Variants in MYH9 observed in about 807,000 individuals in gnomAD.
MYH9 encodes myosin heavy chain 9.
In MYH9, 29 loss-of-function variants were observed where a neutral mutation model predicts 241.9. The observed-to-expected ratio is 0.12, with a 90% CI of 0.09 to 0.16. The LOEUF (loss-of-function observed/expected upper bound fraction) is 0.16, where lower values mean the gene tolerates loss of function less well. Ranked by LOEUF, MYH9 falls within the 10% of genes least tolerant of loss-of-function variation. The pLI is 1.00. For missense variants in MYH9, 1,803 were observed against 2,595.5 expected, an observed-to-expected ratio of 0.69 and a Z score of 6.63; for synonymous variants, 1,047 against 1,062.6, an observed-to-expected ratio of 0.99 and a Z score of 0.29.
rs2017234094 is a variant in MYH9, at chr22:36,320,560, A to G, written c.869-197T>C. On this transcript the variant is annotated intron_variant, in intron 8 of 40. Coordinates refer to ENST00000216181, the MANE Select transcript of MYH9 (RefSeq NM_002473.6). This position sits in a 1 kb window ranked among gnomAD's most constrained non-coding sequence, Gnocchi z 4.8. ...ACACTCCCGTCTCCTGGCCCAGGAG[A>G]GCGCCAGGTCCTGTGATTTGCAGCT... Among the ~76,000 whole-genome samples, 1 of 152,062 alleles carries G rather than the reference A, an allele frequency of 6.6e-6. No homozygotes were observed. Among genetic ancestry groups the G allele is most frequent in the African/African-American group, 2.4e-5 (1 of 41,410 alleles).
chr22:36,346,041 G>T (rs1413469616), intron 2 of MYH9, among the ~76,000 whole-genome samples: 1 of 152,054 alleles, frequency 6.6e-6, no homozygotes, highest in Non-Finnish European at 1.5e-5. Flanking sequence ...CAGCTACTCA[G>T]GAGGCTGAGG....
chr22:36,310,789 A>G (rs1046635009), intron 14 of MYH9, among the ~76,000 whole-genome samples: 1 of 151,978 alleles, frequency 6.6e-6, no homozygotes, highest in Non-Finnish European at 1.5e-5. Flanking sequence ...ATTATTCAGC[A>G]TTACAAATAA....
intron 40 of MYH9, 35 bp downstream of exon 40, chr22:36,284,058 C>G: frequency 2.5e-6 from 4 of 1,611,480 alleles, no homozygotes; most frequent in Non-Finnish European, 3.4e-6. Context: ...GAGAGAAGTG[C>G]CGAGGCAAAG....
intron 35 of MYH9, 71 bp from the exon 36 acceptor site, chr22:36,286,024 G>A (rs2016574656): frequency 1.9e-6 from 3 of 1,556,690 alleles, no homozygotes. Flanking sequence ...CCAGCCCCAG[G>A]CACCCTCCCC....
Position 36,300,383 on chromosome 22 carries a change from C to G in MYH9, c.2839-119G>C, listed in dbSNP as rs1046271127. On this transcript the variant is annotated intron_variant, in intron 22 of 40. Coordinates refer to ENST00000216181, the MANE Select transcript of MYH9 (RefSeq NM_002473.6). The surrounding 1 kb of genome is among the most constrained non-coding windows in gnomAD (Gnocchi z 5.0). Reference sequence around the variant, plus strand: ...GGAGAAAATAGCAAGGTCTGTGAGCCCAGGGCCATGGCTGAGGTGGGGACG... The same window carrying G: ...GGAGAAAATAGCAAGGTCTGTGAGCGCAGGGCCATGGCTGAGGTGGGGACG... The G allele has an allele frequency of 9.4e-5, 137 of 1,452,222 alleles. No individual in the cohort carries two copies. The highest frequency in any genetic ancestry group is 6.6e-5 in the Non-Finnish European group (70 of 1,054,512). 90.0% of individuals were successfully genotyped at this position (1,452,222 alleles called of 1,614,324 possible). A position where few individuals can be genotyped will look rare whatever the true frequency, so the allele number is the denominator to read the frequency against.
chr22:36,297,816 C>T (rs751416624), intron 24 of MYH9, among the ~76,000 whole-genome samples: 2 of 152,212 alleles, frequency 1.3e-5, no homozygotes, highest in Non-Finnish European at 2.9e-5. Flanking sequence ...ACGGATGGAA[C>T]GGCCAGGTCA....
intron 12 of MYH9, 101 bp from the exon 13 acceptor site, chr22:36,314,419 C>CCT: frequency 7.0e-7 from 1 of 1,433,968 alleles, no homozygotes; most frequent in Non-Finnish European, 9.7e-7. Flanking sequence ...CAGGAAGGGC[C>CCT]TCCTTGGGCA....
intron 19 of MYH9, among the ~76,000 whole-genome samples, chr22:36,302,960 A>C (rs1156737669): frequency 6.6e-6 from 1 of 152,164 alleles, no homozygotes; most frequent in East Asian, 1.9e-4. Flanking sequence ...TGAAGTAACC[A>C]CAGATCCTAC....
At chr22:36,366,608 C>A (rs2018015103) in intron 1 of MYH9, among the ~76,000 whole-genome samples, 1 of 152,142 alleles carries the variant, frequency 6.6e-6, no homozygotes, top group South Asian at 2.1e-4. Context: ...AACATCCCTG[C>A]CGATGTGCAG....
Position 36,291,899 on chromosome 22 carries a change from G to T in MYH9, c.4344+87C>A, listed in dbSNP as rs559389456. 11 of 1,600,304 alleles carry T rather than the reference G, an allele frequency of 6.9e-6. No homozygotes were observed. In the African/African-American group the frequency reaches 1.3e-4, roughly 19 times the overall value. ...CCCTCCCCGGCGAGACCCTGAGGGA[G>T]CCCAGGCTTTCTCTGATGGGCCCTT... On this transcript the variant is annotated intron_variant, in intron 31 of 40. Transcript: ENST00000216181.
intron 3 of MYH9, among the ~76,000 whole-genome samples, chr22:36,338,089 C>T (rs1365980382): frequency 6.6e-6 from 1 of 152,054 alleles, no homozygotes; most frequent in African/African-American, 2.4e-5. Context: ...CCTCCGCCGC[C>T]CAGGTTCAAG....
intron 3 of MYH9, among the ~76,000 whole-genome samples, chr22:36,327,860 A>C (rs2017361109): frequency 6.6e-6 from 1 of 152,156 alleles, no homozygotes; most frequent in Non-Finnish European, 1.5e-5. Flanking sequence ...GGGGGGCTGA[A>C]GCTGTTAGAA....
Position 36,314,219 on chromosome 22 carries a change from G to A in MYH9, c.1480C>T (p.Arg494Cys), listed in dbSNP as rs759798434. The change falls in exon 13 of 41, where the codon CGC (arginine) becomes TGC (cysteine). Residue 494 changes from arginine (R) to cysteine (C), a missense_variant. Physicochemically the swap from Arg to Cys is radical, Grantham distance 180. This residue lies in a region of MYH9 where 163 missense variants were observed against 349.7 expected (regional missense o/e 0.47). Coordinates refer to ENST00000216181, the MANE Select transcript of MYH9 (RefSeq NM_002473.6). ...ATGAAGTTCCACTCGATGCCCTCGC[G>A]CTGGTACTCCTCCTGCTCCAGGATG... ...MFILEQEEYQ[R>C]EGIEWNFIDF... 3.1e-6 allele frequency: 5 copies of A among 1,614,120 alleles called. No homozygotes were observed. The highest frequency in any genetic ancestry group is 2.7e-5 in the African/African-American group (2 of 74,928).
intron 3 of MYH9, among the ~76,000 whole-genome samples, chr22:36,335,547 T>A (rs1184951055): frequency 6.6e-6 from 1 of 152,166 alleles, no homozygotes; most frequent in Non-Finnish European, 1.5e-5. Flanking sequence ...CCTTGAAGCT[T>A]TTTCCTGAGC....
At chr22:36,310,269 C>CA (rs575607583) in intron 14 of MYH9, among the ~76,000 whole-genome samples, 84,162 of 133,700 alleles carry the variant, frequency 0.63, 27,565 homozygotes, top group Non-Finnish European at 0.76. Context: ...GACTCCGTCT[C>CA]AAAAAAAAAA....
intron 24 of MYH9, 161 bp from the exon 25 acceptor site, chr22:36,297,175 G>T: frequency 1.3e-6 from 1 of 761,656 alleles, no homozygotes; most frequent in Non-Finnish European, 2.2e-6. Context: ...TGCAGGAAGA[G>T]GACATCACTG....
chr22:36,322,291 C>T (rs1259021351), intron 6 of MYH9, 138 bp downstream of exon 6: 2 of 968,540 alleles, frequency 2.1e-6, no homozygotes, highest in African/African-American at 1.6e-5. Context: ...CTGGCCTAGT[C>T]CACACGACAG....
intron 1 of MYH9, among the ~76,000 whole-genome samples, chr22:36,383,156 G>A (rs1214548754): frequency 6.6e-6 from 1 of 152,116 alleles, no homozygotes; most frequent in African/African-American, 2.4e-5. Flanking sequence ...GGAATTTGAG[G>A]CTGCAGTGAG....
At chr22:36,339,521 C>G (rs2017549566) in intron 3 of MYH9, among the ~76,000 whole-genome samples, 1 of 152,168 alleles carries the variant, frequency 6.6e-6, no homozygotes, top group Admixed American at 6.5e-5. Context: ...TGAACATAAG[C>G]CAAAGACTCG....
Sources: allele counts gnomAD v4.1 joint callset (sites outside exome capture counted in the v4.1 genomes callset), GRCh38; gene constraint gnomAD v4.1.1; regional missense constraint gnomAD v4.1.1; non-coding constraint Gnocchi (gnomAD v3.1); transcripts MANE v1.5; gene names NCBI Gene and HGNC (gene_info 2026-07-23, HGNC 2026-07-21).